The following CXXC5 variants were observed in gnomAD, a reference collection of about 807,000 sequenced individuals.
CXXC5 encodes CXXC finger protein 5, also known as CXXC-type zinc finger protein 5.
Under a neutral mutation model 17.6 loss-of-function variants are expected in CXXC5, and 2 were observed. The observed-to-expected ratio is 0.11, with a 90% CI of 0.05 to 0.36. CXXC5 has a LOEUF of 0.36. Ranked by LOEUF, CXXC5 falls within the 10% of genes least tolerant of loss-of-function variation. The probability of loss-of-function intolerance (pLI) is 1.00; values close to 1 mark genes in which losing one functional copy is unlikely to be tolerated. For synonymous variants in CXXC5, 171 were observed against 193.0 expected (o/e 0.89, Z 0.94); for missense variants, 343 against 458.3 (o/e 0.75, Z 2.30).
Position 139,661,784 on chromosome 5 carries a change from T to C in CXXC5, c.-161+12939T>C, listed in dbSNP as rs1406145734. Among the ~76,000 whole-genome samples, 1 of 152,262 alleles carries C rather than the reference T, an allele frequency of 6.6e-6. No homozygotes were observed. The highest frequency in any genetic ancestry group is 1.5e-5 in the Non-Finnish European group (1 of 68,046). ...GAAGAGGCCCGGCCTTCAGCCATGT[T>C]GTGTCCACCGGGTTCTGCAAGGTGT... is the stretch of plus-strand genomic sequence containing the variant. On this transcript the variant is annotated intron_variant, in intron 1 of 2. Coordinates refer to ENST00000302517, the MANE Select transcript of CXXC5 (RefSeq NM_016463.9). This position sits in a 1 kb window ranked among gnomAD's most constrained non-coding sequence, Gnocchi z 4.7.
rs932125662 is a variant in CXXC5 at position 139,676,941 on chromosome 5, C to T, written c.-160-3423C>T. On this transcript the variant is annotated intron_variant, in intron 1 of 2. Transcript: ENST00000302517. ...CCACCACCTGTCTCTATTCTGCCCC[C>T]GCATGCCCCTCTGCCCCCCAGCTTT... is the stretch of plus-strand genomic sequence containing the variant. Among the ~76,000 whole-genome samples, 8 of 151,330 alleles carry T rather than the reference C, an allele frequency of 5.3e-5. 1 individual carries two copies. Among genetic ancestry groups the T allele is most frequent in the East Asian group, 2.0e-4 (1 of 5,036 alleles).
At position 139,668,250 on chromosome 5, in the gene CXXC5, G is replaced by A. The variant is rs553795941; in HGVS notation, c.-160-12114G>A. ...AAGCCTCTAATTGCTGCGCCTGGTG[G>A]CACCGTGGAATGAGGGGAGGCCAGC... On this transcript the variant is annotated intron_variant, in intron 1 of 2. Coordinates refer to ENST00000302517, the MANE Select transcript of CXXC5 (RefSeq NM_016463.9). The surrounding 1 kb of genome is among the most constrained non-coding windows in gnomAD (Gnocchi z 4.1). Among the ~76,000 whole-genome samples, 28 of 152,134 alleles carry A rather than the reference G, an allele frequency of 1.8e-4. 1 individual carries two copies. In the East Asian group the frequency reaches 5.4e-3, roughly 29 times the overall value.
chr5:139,660,694 T>G, intron 1 of CXXC5, among the ~76,000 whole-genome samples: 1 of 121,978 alleles, frequency 8.2e-6, no homozygotes, highest in Non-Finnish European at 1.7e-5. Context: ...CTCATGTGGG[T>G]GGGGCCACTG....
chr5:139,681,909 A>G, intron 2 of CXXC5, among the ~76,000 whole-genome samples: 1 of 152,134 alleles, frequency 6.6e-6, no homozygotes, highest in East Asian at 1.9e-4. Flanking sequence ...CTCCAGGGCC[A>G]TCTTTCCCCC....
At chr5:139,682,354 G>GA (rs1220453491) in intron 2 of CXXC5, among the ~76,000 whole-genome samples, 3 of 78,192 alleles carry the variant, frequency 3.8e-5, no homozygotes, top group Non-Finnish European at 7.2e-5. Context: ...CCCAGCCCCA[G>GA]CCCTTCCATT....
chr5:139,680,368 A>T lies in CXXC5; in HGVS notation c.-156A>T. 1 of 1,080,360 alleles carries T rather than the reference A, an allele frequency of 9.3e-7. No individual in the cohort carries two copies. Among genetic ancestry groups the T allele is most frequent in the Non-Finnish European group, 1.3e-6 (1 of 776,084 alleles). The allele number at this position is 1,080,360 out of a possible 1,614,324, so 66.9% of individuals were successfully genotyped here. A position where few individuals can be genotyped will look rare whatever the true frequency, so the allele number is the denominator to read the frequency against. ...CCCTGTATCCTCTTGTGACAGAGTG[A>T]AGACATTTCCACCTGGACACCTGAC... On this transcript the variant is annotated 5_prime_UTR_variant, in exon 2 of 3. Coordinates refer to ENST00000302517, the MANE Select transcript of CXXC5 (RefSeq NM_016463.9).
chr5:139,674,753 G>A (rs950530165), intron 1 of CXXC5, among the ~76,000 whole-genome samples: 2 of 152,180 alleles, frequency 1.3e-5, no homozygotes, highest in African/African-American at 4.8e-5. Flanking sequence ...AGTGGCTCAC[G>A]CCTATAATCC....
intron 1 of CXXC5, chr5:139,650,933 C>T (rs924068905): frequency 1.3e-5 from 2 of 152,266 alleles, no homozygotes; most frequent in African/African-American, 4.8e-5. Flanking sequence ...TGTCACCCCC[C>T]TCCCAGAACG....
intron 1 of CXXC5, among the ~76,000 whole-genome samples, chr5:139,672,801 C>T (rs1756558108): frequency 6.6e-6 from 1 of 152,166 alleles, no homozygotes; most frequent in Non-Finnish European, 1.5e-5. Context: ...TGGTCAAAGT[C>T]ACCAGTCAGG....
chr5:139,672,738 C>T lies in CXXC5; in HGVS notation c.-160-7626C>T, dbSNP rs112663875. Among the ~76,000 whole-genome samples the T allele has an allele frequency of 7.9e-5, 12 of 152,284 alleles. 1 individual carries two copies. The highest frequency in any genetic ancestry group is 2.1e-4 in the South Asian group (1 of 4,822). On this transcript the variant is annotated intron_variant, in intron 1 of 2. Coordinates refer to ENST00000302517, the MANE Select transcript of CXXC5 (RefSeq NM_016463.9). ...GTAGTTTGGGGTGAGAAGCAAGAGC[C>T]ATTCCTTTCCATTTTACAAATGGGA... is the stretch of plus-strand genomic sequence containing the variant.
chr5:139,671,575 G>A (rs1035102597), intron 1 of CXXC5, among the ~76,000 whole-genome samples: 1 of 152,256 alleles, frequency 6.6e-6, no homozygotes, highest in Non-Finnish European at 1.5e-5. Flanking sequence ...CAGGATTCTG[G>A]GGGAGGAGGC....
intron 1 of CXXC5, among the ~76,000 whole-genome samples, chr5:139,657,986 G>T (rs1755580682): frequency 6.6e-6 from 1 of 151,370 alleles, no homozygotes; most frequent in African/African-American, 2.4e-5. Flanking sequence ...TGGCATTAGT[G>T]GCTGTGTGTG....
chr5:139,657,063 G>A (rs909311774), intron 1 of CXXC5, among the ~76,000 whole-genome samples: 3 of 152,224 alleles, frequency 2.0e-5, no homozygotes, highest in Non-Finnish European at 4.4e-5. Flanking sequence ...AAAGCCAGTG[G>A]TAATGGGTAG....
At chr5:139,679,223 G>T (rs1757043528) in intron 1 of CXXC5, among the ~76,000 whole-genome samples, 1 of 152,202 alleles carries the variant, frequency 6.6e-6, no homozygotes, top group African/African-American at 2.4e-5. Flanking sequence ...GCCTTGTGAG[G>T]CCTCTGCCCA....
chr5:139,666,977 A>G (rs1185807969), intron 1 of CXXC5, among the ~76,000 whole-genome samples: 1 of 152,028 alleles, frequency 6.6e-6, no homozygotes, highest in Non-Finnish European at 1.5e-5. Context: ...TTACCCTCTG[A>G]CTTGTTTCTT....
chr5:139,667,702 G>T (rs931332926), intron 1 of CXXC5, among the ~76,000 whole-genome samples: 2 of 152,256 alleles, frequency 1.3e-5, no homozygotes, highest in Admixed American at 1.3e-4. Context: ...GGGTTTGGGG[G>T]TTAAGGGGTT....
chr5:139,669,461 C>T (rs1756325231), intron 1 of CXXC5, among the ~76,000 whole-genome samples: 1 of 151,902 alleles, frequency 6.6e-6, no homozygotes, highest in African/African-American at 2.4e-5. Flanking sequence ...GAGGGGCGCC[C>T]CTCCGCCATC....
chr5:139,665,322 A>G (rs1756046749), intron 1 of CXXC5, among the ~76,000 whole-genome samples: 1 of 152,272 alleles, frequency 6.6e-6, no homozygotes, highest in African/African-American at 2.4e-5. Context: ...GGGCCATGCC[A>G]AGACCCGCTG....
At chr5:139,667,204 C>T (rs1400005690) in intron 1 of CXXC5, among the ~76,000 whole-genome samples, 1 of 152,234 alleles carries the variant, frequency 6.6e-6, no homozygotes, top group Admixed American at 6.5e-5. Context: ...ACTCCCTGAG[C>T]ATCCTGTGTA....
Sources: allele counts gnomAD v4.1 joint callset (sites outside exome capture counted in the v4.1 genomes callset), GRCh38; gene constraint gnomAD v4.1.1; non-coding constraint Gnocchi (gnomAD v3.1); transcripts MANE v1.5; gene names NCBI Gene and HGNC (gene_info 2026-07-23, HGNC 2026-07-21).